BCAS3: variants seen among roughly 807,000 people sequenced by gnomAD.
The protein encoded by BCAS3 is BCAS4/BCAS3 fusion.
In BCAS3, 53 loss-of-function variants were observed where a neutral mutation model predicts 116.1. The observed-to-expected ratio is 0.46, with a 90% CI of 0.37 to 0.57. The LOEUF is 0.57. Among genes scored for constraint, BCAS3 ranks in the 20% least tolerant of loss-of-function variants. The probability of loss-of-function intolerance (pLI) is 0.00; values close to 1 mark genes in which losing one functional copy is unlikely to be tolerated. For synonymous variants in BCAS3, 391 were observed against 408.2 expected, an observed-to-expected ratio of 0.96 and a Z score of 0.51; for missense variants, 917 against 1,165.4, an observed-to-expected ratio of 0.79 and a Z score of 3.10.
chr17:61,160,893 G>A (rs1158870221), intron 22 of BCAS3, among the ~76,000 whole-genome samples: 1 of 152,244 alleles, frequency 6.6e-6, no homozygotes, highest in Middle Eastern at 3.4e-3. Context: ...GGCAGCGACA[G>A]ATTAAAATAT....
At chr17:61,060,644 A>T (rs982414708) in intron 19 of BCAS3, among the ~76,000 whole-genome samples, 2 of 152,240 alleles carry the variant, frequency 1.3e-5, no homozygotes, top group Non-Finnish European at 2.9e-5. Flanking sequence ...CTTTTGAAAC[A>T]TTCATAAAAT....
intron 22 of BCAS3, among the ~76,000 whole-genome samples, chr17:61,237,376 A>C (rs1004523777): frequency 2.0e-5 from 3 of 152,230 alleles, no homozygotes; most frequent in Non-Finnish European, 2.9e-5. Context: ...AGGAGGATTG[A>C]AAAAAGGGCA....
chr17:61,337,279 G>A lies in BCAS3; in HGVS notation c.2426-31048G>A, dbSNP rs2056799305. Among the ~76,000 whole-genome samples the A allele has an allele frequency of 6.6e-6, 1 of 152,224 alleles. No homozygotes were observed. The highest frequency in any genetic ancestry group is 6.5e-5 in the Admixed American group (1 of 15,286). On this transcript the variant is annotated intron_variant, in intron 22 of 23. Coordinates refer to ENST00000407086, the MANE Select transcript of BCAS3 (RefSeq NM_017679.5). This position sits in a 1 kb window ranked among gnomAD's most constrained non-coding sequence, Gnocchi z 4.8. ...GCAGTTGCAGGTTCACGTATCTTGGGAAGTTATTGGTGGAGAGCACTGGTG... is the reference window on the plus strand; with the variant it reads ...GCAGTTGCAGGTTCACGTATCTTGGAAAGTTATTGGTGGAGAGCACTGGTG...
chr17:60,707,048 A>G (rs1313037092), intron 4 of BCAS3, among the ~76,000 whole-genome samples: 2 of 151,700 alleles, frequency 1.3e-5, no homozygotes, highest in Non-Finnish European at 2.9e-5. Context: ...CTGGAGTGCA[A>G]TGGCTTGATC....
At chr17:60,840,044 T>TAA (rs571860880) in intron 7 of BCAS3, among the ~76,000 whole-genome samples, 1 of 146,738 alleles carries the variant, frequency 6.8e-6, no homozygotes. Flanking sequence ...TGTATTGCAT[T>TAA]AAAAAAAAAA....
At chr17:60,930,760 T>G (rs1201495716) in intron 13 of BCAS3, among the ~76,000 whole-genome samples, 1 of 152,004 alleles carries the variant, frequency 6.6e-6, no homozygotes, top group African/African-American at 2.4e-5. Context: ...GTCCAGCCCT[T>G]TTAGTCTTTT....
chr17:60,726,204 A>ATT (rs111326766), intron 5 of BCAS3, among the ~76,000 whole-genome samples: 3 of 109,550 alleles, frequency 2.7e-5, no homozygotes, highest in East Asian at 2.7e-4. Flanking sequence ...CAGAGGGAGG[A>ATT]TTTTTTTTTT....
chr17:60,730,115 A>G (rs77511706), intron 5 of BCAS3, among the ~76,000 whole-genome samples: 4,838 of 152,308 alleles, frequency 0.032, 243 homozygotes, highest in African/African-American at 0.11. Context: ...GAAGTGTAAT[A>G]TCTAAATCAG....
At chr17:60,836,326 T>C (rs1221999279) in intron 7 of BCAS3, among the ~76,000 whole-genome samples, 3 of 152,166 alleles carry the variant, frequency 2.0e-5, no homozygotes, top group African/African-American at 7.2e-5. Flanking sequence ...CTTAATTCTT[T>C]TCTTAATTTT....
chr17:60,830,085 G>A (rs531379002), intron 7 of BCAS3, among the ~76,000 whole-genome samples: 1 of 152,256 alleles, frequency 6.6e-6, no homozygotes, highest in East Asian at 1.9e-4. Context: ...TCTGCCTCCT[G>A]GGTTCAAGCG....
At chr17:61,310,566 A>G (rs1477680379) in intron 22 of BCAS3, among the ~76,000 whole-genome samples, 11 of 151,784 alleles carry the variant, frequency 7.2e-5, no homozygotes, top group South Asian at 2.1e-4. Context: ...AAAAAAAAAA[A>G]AAAGAAAGAA....
intron 14 of BCAS3, among the ~76,000 whole-genome samples, chr17:60,955,679 C>G (rs865948438): frequency 1.3e-5 from 2 of 152,192 alleles, no homozygotes; most frequent in South Asian, 2.1e-4. Flanking sequence ...CCACCGTGCC[C>G]GGCTGGAGAC....
intron 22 of BCAS3, among the ~76,000 whole-genome samples, chr17:61,115,533 A>G (rs955644119): frequency 2.2e-5 from 3 of 138,094 alleles, no homozygotes; most frequent in African/African-American, 5.4e-5. Context: ...AGTCAAAACC[A>G]CAATGAGATA....
At chr17:60,778,270 G>A (rs2045493742) in intron 6 of BCAS3, among the ~76,000 whole-genome samples, 1 of 151,560 alleles carries the variant, frequency 6.6e-6, no homozygotes, top group Non-Finnish European at 1.5e-5. Context: ...TCTAGAATTT[G>A]TGATTTTCCT....
chr17:61,342,810 G>C (rs1737738904), intron 22 of BCAS3, among the ~76,000 whole-genome samples: 1 of 150,498 alleles, frequency 6.6e-6, no homozygotes, highest in Non-Finnish European at 1.5e-5. Context: ...GGAGTATAGT[G>C]GTGGGATCTC....
chr17:61,006,909 GA>G (rs1253353575), intron 15 of BCAS3, among the ~76,000 whole-genome samples: 1 of 151,926 alleles, frequency 6.6e-6, no homozygotes, highest in Non-Finnish European at 1.5e-5. Context: ...ATTGTTGAAG[GA>G]GTGTCAAACT....
intron 19 of BCAS3, among the ~76,000 whole-genome samples, chr17:61,055,658 GCAGGTTTTAAAATAAATACA>G (rs2069305208): frequency 6.6e-6 from 1 of 152,138 alleles, no homozygotes; most frequent in Admixed American, 6.5e-5. Flanking sequence ...GGTATACATT[GCAGGTTTTAAAATAAATACA>G]CAGCCTTGTG....
At chr17:60,991,079 T>G (rs942582696) in intron 15 of BCAS3, among the ~76,000 whole-genome samples, 14 of 152,204 alleles carry the variant, frequency 9.2e-5, no homozygotes, top group Admixed American at 6.5e-4. Flanking sequence ...TTTGCATACC[T>G]TCTCCATAAC....
rs10671633 is a variant in BCAS3, at chr17:61,095,844, T to TACACACACAC, written c.2425+11300_2425+11309dup. ...AAAACCACTGGTATGCATATTCTCGTACACACACACACACACACACACACA... is the reference window on the plus strand; with the variant it reads ...AAAACCACTGGTATGCATATTCTCGTACACACACACACACACACACACACACACACACACA... On this transcript the variant is annotated intron_variant, in intron 22 of 23. Transcript: ENST00000407086. The surrounding 1 kb of genome is among the most constrained non-coding windows in gnomAD (Gnocchi z 4.7). Among the ~76,000 whole-genome samples the TACACACACAC allele has an allele frequency of 8.9e-3, 1,301 of 146,328 alleles. 20 individuals are homozygous for TACACACACAC. Among genetic ancestry groups the TACACACACAC allele is most frequent in the African/African-American group, 0.031 (1,234 of 40,050 alleles).
Sources: gnomAD v4.1 joint callset for allele counts (sites outside exome capture counted in the v4.1 genomes callset) on GRCh38, gnomAD v4.1.1 for gene constraint, Gnocchi (gnomAD v3.1) non-coding constraint, MANE v1.5 for transcripts, NCBI Gene and HGNC (gene_info 2026-07-23, HGNC 2026-07-21) for gene names.